The following DNAH11 variants were observed in gnomAD, a reference collection of about 807,000 sequenced individuals.
DNAH11 encodes the protein axonemal beta dynein heavy chain 11.
DNAH11 carries 442 observed loss-of-function variants against 526.0 expected under a neutral mutation model. That is an observed-to-expected ratio of 0.84 (90% confidence interval 0.78 to 0.91). The LOEUF (loss-of-function observed/expected upper bound fraction) is 0.91, where lower values mean the gene tolerates loss of function less well. Ranked by LOEUF, DNAH11 falls within the 40% of genes least tolerant of loss-of-function variation. The pLI is 0.00. For missense variants in DNAH11, 6,989 were observed against 5,448.7 expected, an observed-to-expected ratio of 1.28 and a Z score of -8.90; for synonymous variants, 2,461 against 1,935.9, an observed-to-expected ratio of 1.27 and a Z score of -7.12.
intron 68 of DNAH11, among the ~76,000 whole-genome samples, chr7:21,859,373 C>A (rs1433970203): frequency 2.0e-5 from 3 of 152,172 alleles, no homozygotes; most frequent in African/African-American, 4.8e-5. Flanking sequence ...CTCAGCCTCC[C>A]AAAGTGCTGG....
chr7:21,868,658 G>A (rs992300888), intron 72 of DNAH11, among the ~76,000 whole-genome samples: 18 of 152,138 alleles, frequency 1.2e-4, no homozygotes, highest in African/African-American at 3.6e-4. Flanking sequence ...TGGCTTCCAC[G>A]GCTTTTCTAA....
rs1784481161 is a variant in DNAH11, at chr7:21,711,993, C to G, written c.6983+133C>G. On this transcript the variant is annotated intron_variant, in intron 42 of 81. Coordinates refer to ENST00000409508, the MANE Select transcript of DNAH11 (RefSeq NM_001277115.2). ...CCATCCATCTCTGGAAGGATTTTAT[C>G]TTCCCAAAGTGACACTCTTTATCCA... 13 of 1,091,462 alleles carry G rather than the reference C, an allele frequency of 1.2e-5. No individual in the cohort carries two copies. The South Asian group carries it at 2.0e-4, about 17-fold the overall frequency. 67.6% of individuals were successfully genotyped at this position (1,091,462 alleles called of 1,614,324 possible).
intron 66 of DNAH11, among the ~76,000 whole-genome samples, chr7:21,843,665 G>A (rs1204207817): frequency 6.6e-6 from 1 of 151,908 alleles, no homozygotes; most frequent in Non-Finnish European, 1.5e-5. Flanking sequence ...ATTTTTAGTA[G>A]TGATAGGGTT....
intron 44 of DNAH11, 54 bp from the exon 45 acceptor site, chr7:21,725,757 T>A: frequency 1.3e-6 from 2 of 1,526,630 alleles, no homozygotes; most frequent in Non-Finnish European, 1.8e-6. Flanking sequence ...GTTTCTTTTT[T>A]TACAGTTTTA....
rs2074758 is a variant in DNAH11, at chr7:21,702,866, A to G, written c.6273+64A>G. On this transcript the variant is annotated intron_variant, in intron 37 of 81. Transcript: ENST00000409508. ...TGGCCTGCTTCACAGACATGAAAGT[A>G]TATGCCTGGATGGTGGGGCATGGAC... The G allele has an allele frequency of 0.011, 15,259 of 1,370,206 alleles. 990 individuals carry two copies. The East Asian group carries it at 0.18, about 16-fold the overall frequency. 84.9% of individuals were successfully genotyped at this position (1,370,206 alleles called of 1,614,324 possible). A position where few individuals can be genotyped will look rare whatever the true frequency, so the allele number is the denominator to read the frequency against.
intron 65 of DNAH11, 97 bp downstream of exon 65, chr7:21,818,436 A>T (rs1389188646): frequency 7.2e-7 from 1 of 1,383,498 alleles, no homozygotes; most frequent in African/African-American, 1.5e-5. Context: ...TTGAAATCTT[A>T]GTGATATTTC....
At chr7:21,853,139 G>C (rs1057270849) in intron 67 of DNAH11, among the ~76,000 whole-genome samples, 1 of 152,214 alleles carries the variant, frequency 6.6e-6, no homozygotes, top group African/African-American at 2.4e-5. Context: ...CTAAAAGCCA[G>C]TAGAAATTTT....
intron 65 of DNAH11, among the ~76,000 whole-genome samples, chr7:21,828,765 T>G (rs115380324): frequency 0.016 from 2,433 of 151,364 alleles, 60 homozygotes; most frequent in African/African-American, 0.055. Flanking sequence ...TCTGGGTTTT[T>G]TTTTTTTTTT....
At chr7:21,851,453 G>C (rs1782634302) in intron 66 of DNAH11, 1 of 437,718 alleles carries the variant, frequency 2.3e-6, no homozygotes, top group Non-Finnish European at 4.7e-6. Flanking sequence ...GGTCATATTA[G>C]GCACTGGCCA....
intron 15 of DNAH11, 32 bp downstream of exon 15, chr7:21,600,151 T>G: frequency 6.7e-7 from 1 of 1,491,810 alleles, no homozygotes; most frequent in Non-Finnish European, 8.9e-7. Flanking sequence ...ATTTAGCTTT[T>G]ATATTAATGA....
At chr7:21,544,657 A>C (rs1213718327) in intron 1 of DNAH11, among the ~76,000 whole-genome samples, 1 of 140,602 alleles carries the variant, frequency 7.1e-6, no homozygotes, top group Non-Finnish European at 1.6e-5. Context: ...AGAAGAGTAT[A>C]AAAAATAACC....
chr7:21,710,869 C>T (rs537356185), intron 41 of DNAH11, among the ~76,000 whole-genome samples, 166 bp downstream of exon 41: 1 of 152,220 alleles, frequency 6.6e-6, no homozygotes, highest in South Asian at 2.1e-4. Context: ...TTAATTTCAC[C>T]ATTAAAGAAT....
At chr7:21,798,084 G>A (rs1788797888) in intron 61 of DNAH11, among the ~76,000 whole-genome samples, 1 of 152,192 alleles carries the variant, frequency 6.6e-6, no homozygotes, top group South Asian at 2.1e-4. Flanking sequence ...AAGAGGCAGA[G>A]GAACTAGAAC....
At chr7:21,615,359 T>A (rs1278031904) in intron 21 of DNAH11, 87 bp downstream of exon 21, 5 of 1,443,768 alleles carry the variant, frequency 3.5e-6, no homozygotes, top group Non-Finnish European at 4.6e-6. Flanking sequence ...TCTATTTGGG[T>A]TTTATAATGT....
Position 21,880,688 on chromosome 7 carries a change from C to T in DNAH11, c.12196-14C>T, listed in dbSNP as rs374568211. 1.9e-6 allele frequency: 3 copies of T among 1,613,064 alleles called. No homozygotes were observed. The highest frequency in any genetic ancestry group is 2.5e-6 in the Non-Finnish European group (3 of 1,179,702). ...ACAGATGGATAATCAAGCATTTCTT[C>T]TCTTTTTTCCCAGGATACACTTGAA... On this transcript the variant is annotated splice_polypyrimidine_tract_variant and intron_variant, in intron 74 of 81. Transcript: ENST00000409508.
intron 63 of DNAH11, 85 bp from the exon 64 acceptor site, chr7:21,816,382 C>A: frequency 8.9e-7 from 1 of 1,126,532 alleles, no homozygotes; most frequent in Non-Finnish European, 1.3e-6. Flanking sequence ...GGGTTACTTT[C>A]TCATGACTTT....
In DNAH11 at chr7:21,543,204, T is replaced by G; in HGVS notation, c.-42T>G. ...ACTTCGGGGGGCCCAGAGTCTCGGGTGAGGAGCCAGCCGGCCTCGCGTTCC... is the reference window on the plus strand; with the variant it reads ...ACTTCGGGGGGCCCAGAGTCTCGGGGGAGGAGCCAGCCGGCCTCGCGTTCC... On this transcript the variant is annotated 5_prime_UTR_variant, in exon 1 of 82. Transcript: ENST00000409508. The G allele has an allele frequency of 1.4e-6, 2 of 1,476,710 alleles. No homozygotes were observed. The highest frequency in any genetic ancestry group is 8.9e-7 in the Non-Finnish European group (1 of 1,118,542). The allele number at this position is 1,476,710 out of a possible 1,614,324, so 91.5% of individuals were successfully genotyped here.
intron 54 of DNAH11, among the ~76,000 whole-genome samples, chr7:21,750,752 G>A (rs1374491940): frequency 7.2e-5 from 11 of 152,192 alleles, no homozygotes; most frequent in African/African-American, 1.9e-4. Context: ...GATGGGCCAC[G>A]TGTTTAGCAT....
intron 45 of DNAH11, among the ~76,000 whole-genome samples, chr7:21,732,519 T>C (rs1015787546): frequency 1.3e-5 from 2 of 152,174 alleles, no homozygotes; most frequent in African/African-American, 4.8e-5. Flanking sequence ...CCTATCTCAT[T>C]ACATCTGCAG....
Sources: allele counts gnomAD v4.1 joint callset (sites outside exome capture counted in the v4.1 genomes callset), GRCh38; gene constraint gnomAD v4.1.1; transcripts MANE v1.5; gene names NCBI Gene and HGNC (gene_info 2026-07-23, HGNC 2026-07-21).